Variants in PFKFB2 observed in about 807,000 individuals in gnomAD.
PFKFB2 encodes 6-phosphofructo-2-kinase/fructose-2,6-biphosphatase 2.
In PFKFB2, 53 loss-of-function variants were observed where a neutral mutation model predicts 68.0. The observed-to-expected ratio is 0.78, with a 90% CI of 0.63 to 0.98. The LOEUF (loss-of-function observed/expected upper bound fraction) is 0.98. Among genes scored for constraint, PFKFB2 ranks in the 50% least tolerant of loss-of-function variants. The pLI is 0.00. For missense variants in PFKFB2, 451 were observed against 642.0 expected (o/e 0.70, Z 3.22); for synonymous variants, 222 against 227.6 (o/e 0.98, Z 0.22).
intron 3 of PFKFB2, 151 bp downstream of exon 3, chr1:207,062,229 C>G (rs925466002): frequency 9.0e-7 from 1 of 1,109,228 alleles, no homozygotes; most frequent in African/African-American, 1.6e-5. Flanking sequence ...ATTCTCTATT[C>G]CCAGACTTGT....
In PFKFB2 at chr1:207,075,028, G is replaced by A. The variant is rs1683584434; in HGVS notation, c.*2657G>A. ...CATCTGTAGCCCAAATGGGCATTCA[G>A]TCTTTTCTTCTGCTGTGAGGTAAGA... On this transcript the variant is annotated 3_prime_UTR_variant, in exon 15 of 15. Transcript: ENST00000367080. The A allele has an allele frequency of 1.0e-6, 1 of 985,374 alleles. No homozygotes were observed. The highest frequency in any genetic ancestry group is 6.1e-5 in the Admixed American group (1 of 16,266). 61.0% of individuals were successfully genotyped at this position (985,374 alleles called of 1,614,324 possible). A position where few individuals can be genotyped will look rare whatever the true frequency, so the allele number is the denominator to read the frequency against.
chr1:207,065,291 T>G, intron 8 of PFKFB2, 131 bp downstream of exon 8: 3 of 1,471,124 alleles, frequency 2.0e-6, no homozygotes, highest in Non-Finnish European at 2.7e-6. Context: ...CCCAGAGAAA[T>G]AAGGTATGGA....
intron 2 of PFKFB2, among the ~76,000 whole-genome samples, chr1:207,058,637 G>A (rs927682195): frequency 1.3e-5 from 2 of 151,640 alleles, no homozygotes; most frequent in Non-Finnish European, 2.9e-5. Flanking sequence ...TATTTATTTT[G>A]AGACCGGGTT....
chr1:207,035,703 GT>G (rs1369893730), intron 1 of PFKFB2, among the ~76,000 whole-genome samples: 1 of 151,796 alleles, frequency 6.6e-6, no homozygotes, highest in Non-Finnish European at 1.5e-5. Context: ...AAAGAGGTTT[GT>G]TTTGCTCATG....
rs1055806728 is a variant in PFKFB2 at position 207,070,666 on chromosome 1, C to G, written c.1222+257C>G. 8 of 437,366 alleles carry G rather than the reference C, an allele frequency of 1.8e-5. No individual in the cohort carries two copies. Among genetic ancestry groups the G allele is most frequent in the African/African-American group, 1.6e-4 (8 of 49,134 alleles). 27.1% of individuals were successfully genotyped at this position (437,366 alleles called of 1,614,324 possible). A position where few individuals can be genotyped will look rare whatever the true frequency, so the allele number is the denominator to read the frequency against. On this transcript the variant is annotated intron_variant, in intron 12 of 14. Transcript: ENST00000367080. The surrounding 1 kb of genome is among the most constrained non-coding windows in gnomAD (Gnocchi z 4.2). ...GCCTGGCTCAAGGGCCAGTGTCATG[C>G]TGACACTCCTGGCAGCATCAGGACA...
In PFKFB2 at chr1:207,065,166, G is replaced by A. The variant is rs182715009; in HGVS notation, c.632+6G>A. On this transcript the variant is annotated splice_donor_region_variant and intron_variant, in intron 8 of 14. Coordinates refer to ENST00000367080, the MANE Select transcript of PFKFB2 (RefSeq NM_006212.2). Reference sequence around the variant, plus strand: ...GACCCAGACAACTATGACAAGTAAGGTTTAAGGCCATGGTTTGAAGGGCCC... The same window carrying A: ...GACCCAGACAACTATGACAAGTAAGATTTAAGGCCATGGTTTGAAGGGCCC... 3.1e-6 allele frequency: 5 copies of A among 1,613,510 alleles called. No individual in the cohort carries two copies. In the East Asian group the frequency reaches 8.9e-5, roughly 29 times the overall value.
At chr1:207,065,295 G>C in intron 8 of PFKFB2, 135 bp downstream of exon 8, 1 of 1,456,974 alleles carries the variant, frequency 6.9e-7, no homozygotes, top group South Asian at 1.5e-5. Flanking sequence ...GAGAAATAAG[G>C]TATGGATTTG....
At chr1:207,038,129 C>A (rs1289219896) in intron 1 of PFKFB2, among the ~76,000 whole-genome samples, 1 of 152,150 alleles carries the variant, frequency 6.6e-6, no homozygotes, top group Non-Finnish European at 1.5e-5. Flanking sequence ...GCTTGAATAT[C>A]CTCCCAATGA....
At chr1:207,067,362 C>T in intron 8 of PFKFB2, 137 bp from the exon 9 acceptor site, 1 of 628,448 alleles carries the variant, frequency 1.6e-6, no homozygotes, top group South Asian at 2.0e-5. Flanking sequence ...CATTTGGTTC[C>T]ATAAACGTGG....
intron 1 of PFKFB2, among the ~76,000 whole-genome samples, chr1:207,035,668 A>G (rs1007479274): frequency 2.1e-5 from 3 of 145,156 alleles, no homozygotes; most frequent in African/African-American, 8.6e-5. Flanking sequence ...CAAACAAACA[A>G]ACAAACAAAA....
At chr1:207,079,126 C>T (rs987001788), downstream of PFKFB2, 17 of 927,798 alleles carry the variant, frequency 1.8e-5, 1 homozygote, top group Admixed American at 2.2e-4. Context: ...GGGAACTGGA[C>T]TTTGGGGGCC....
chr1:207,071,451 T>G, intron 13 of PFKFB2, 58 bp from the exon 14 acceptor site: 1 of 1,402,636 alleles, frequency 7.1e-7, no homozygotes, highest in Non-Finnish European at 1.0e-6. Flanking sequence ...TTCCCATAAC[T>G]AAGGAATTTT....
At chr1:207,037,954 G>A (rs933160443) in intron 1 of PFKFB2, among the ~76,000 whole-genome samples, 2 of 152,202 alleles carry the variant, frequency 1.3e-5, no homozygotes, top group African/African-American at 4.8e-5. Flanking sequence ...TGAGCACTCA[G>A]TAAATGCTAA....
upstream of PFKFB2, among the ~76,000 whole-genome samples, chr1:207,051,804 G>GT: frequency 6.6e-6 from 1 of 152,208 alleles, no homozygotes; most frequent in East Asian, 1.9e-4. Flanking sequence ...TAGATTATCT[G>GT]TACCTTTTCA....
intron 7 of PFKFB2, among the ~76,000 whole-genome samples, chr1:207,064,565 T>C (rs146650687): frequency 1.3e-5 from 2 of 152,342 alleles, no homozygotes; most frequent in Non-Finnish European, 2.9e-5. Context: ...CCCCATTGGA[T>C]GGGTTGTGCT....
chr1:207,041,117 C>G (rs1336203038), intron 1 of PFKFB2, among the ~76,000 whole-genome samples: 1 of 151,822 alleles, frequency 6.6e-6, no homozygotes, highest in African/African-American at 2.4e-5. Flanking sequence ...TTAGTAGAGA[C>G]AGGGTTTCAC....
chr1:207,060,212 T>C (rs1242133170), intron 2 of PFKFB2, among the ~76,000 whole-genome samples: 1 of 152,156 alleles, frequency 6.6e-6, no homozygotes, highest in Non-Finnish European at 1.5e-5. Flanking sequence ...AAGCACAAGA[T>C]CTGTGTTCTA....
upstream of PFKFB2, chr1:207,048,545 C>G: frequency 6.4e-6 from 1 of 155,778 alleles, no homozygotes; most frequent in Non-Finnish European, 1.4e-5. Flanking sequence ...GTCCAGTGGA[C>G]TCACAGGAGG....
At chr1:207,061,097 CTTTA>C (rs1683083242) in intron 2 of PFKFB2, among the ~76,000 whole-genome samples, 3 of 69,926 alleles carry the variant, frequency 4.3e-5, no homozygotes, top group African/African-American at 1.8e-4. Flanking sequence ...TTATATATAT[CTTTA>C]TATATATCTA....
Sources: allele counts gnomAD v4.1 joint callset (sites outside exome capture counted in the v4.1 genomes callset), GRCh38; gene constraint gnomAD v4.1.1; non-coding constraint Gnocchi (gnomAD v3.1); transcripts MANE v1.5; gene names NCBI Gene and HGNC (gene_info 2026-07-23, HGNC 2026-07-21).